COL20A1: variants seen among roughly 807,000 people sequenced by gnomAD.
The protein encoded by COL20A1 is collagen alpha-1(XX) chain.
A neutral mutation model predicts 152.9 loss-of-function variants in COL20A1; 164 were observed. That is an observed-to-expected ratio of 1.07 (90% CI 0.94 to 1.22). The LOEUF is 1.22. COL20A1 is among the 50% of genes most tolerant of loss of function. The pLI is 0.00. For synonymous variants in COL20A1, 864 were observed against 756.0 expected (o/e 1.14, Z -2.34); for missense variants, 1,873 against 1,744.8 (o/e 1.07, Z -1.31).
At chr20:63,312,671 A>G (rs2123405368) in intron 15 of COL20A1, 121 bp from the exon 16 acceptor site, 1 of 1,461,434 alleles carries the variant, frequency 6.8e-7, no homozygotes, top group South Asian at 1.3e-5. Flanking sequence ...CCAGGTGGGG[A>G]TGGGCACCCG....
At chr20:63,323,917 A>G (rs946914596) in intron 27 of COL20A1, among the ~76,000 whole-genome samples, 2 of 152,196 alleles carry the variant, frequency 1.3e-5, no homozygotes, top group African/African-American at 4.8e-5. Flanking sequence ...CTGGAACTGC[A>G]TTCGCTTTAT....
chr20:63,307,902 C>T (rs1021006567), intron 6 of COL20A1, 69 bp from the exon 7 acceptor site: 21 of 1,574,200 alleles, frequency 1.3e-5, no homozygotes, highest in Non-Finnish European at 1.7e-5. Context: ...TCAGGTGTGG[C>T]CTTGTGCCAA....
rs375732223 is a variant in COL20A1 at position 63,325,408 on chromosome 20, C to A, written c.3295-33C>A. ...CTGCCCTCCTGCCCTGTGCCCCCTC[C>A]GCTTCGCTGTCCAGCCCATCTTCCC... On this transcript the variant is annotated intron_variant, in intron 27 of 35. Coordinates refer to ENST00000358894, the MANE Select transcript of COL20A1 (RefSeq NM_020882.4). 13 of 1,555,468 alleles carry A rather than the reference C, an allele frequency of 8.4e-6. No homozygotes were observed. In the Admixed American group the frequency reaches 8.4e-5, roughly 10 times the overall value.
At chr20:63,296,253 C>G (rs1010670262) in intron 2 of COL20A1, among the ~76,000 whole-genome samples, 8 of 152,268 alleles carry the variant, frequency 5.3e-5, no homozygotes, top group Non-Finnish European at 1.0e-4. Context: ...CCAGTGGGGG[C>G]TGAGATTTCA....
Position 63,297,994 on chromosome 20 carries a change from A to G in COL20A1, c.167A>G (p.Tyr56Cys), listed in dbSNP as rs769517899. ...GAGTCGGAGGGGAGCGGCCTCGGCT[A>G]CCTGGTGCAGGTGAAGCCCATGGCA... ...WRESEGSGLGYLVQVKPMAGD... is the reference protein window; with the variant it reads ...WRESEGSGLGCLVQVKPMAGD... Residue 56 changes from tyrosine (Y) to cysteine (C), a missense_variant, in exon 3 of 36, where the codon TAC (tyrosine) becomes TGC (cysteine). Physicochemically the swap from Tyr to Cys is radical, Grantham distance 194. Coordinates refer to ENST00000358894, the MANE Select transcript of COL20A1 (RefSeq NM_020882.4). 1.2e-6 allele frequency: 2 copies of G among 1,612,308 alleles called. No homozygotes were observed. The highest frequency in any genetic ancestry group is 1.7e-6 in the Non-Finnish European group (2 of 1,179,684).
chr20:63,319,348 G>A lies in COL20A1; in HGVS notation c.2807-139G>A. ...GGGAGGCAGGTGTCCCGGGCAGGGG[G>A]CTGTGGGCCACATTGAGGGTCACCT... On this transcript the variant is annotated intron_variant, in intron 22 of 35. Transcript: ENST00000358894. This position sits in a 1 kb window ranked among gnomAD's most constrained non-coding sequence, Gnocchi z 4.4. The A allele has an allele frequency of 1.8e-6, 2 of 1,098,232 alleles. No homozygotes were observed. The allele number at this position is 1,098,232 out of a possible 1,614,324, so 68.0% of individuals were successfully genotyped here.
In COL20A1 at chr20:63,293,814, G is replaced by A. The variant is rs12625559; in HGVS notation, c.-11+539G>A. On this transcript the variant is annotated intron_variant, in intron 1 of 35. Transcript: ENST00000358894. ...GCCGGTGGCTTTCCCGCCGGGTGAGGCCTTTCCCTTGCAGAGGAGCAGATT... is the reference window on the plus strand; with the variant it reads ...GCCGGTGGCTTTCCCGCCGGGTGAGACCTTTCCCTTGCAGAGGAGCAGATT... Among the ~76,000 whole-genome samples the A allele has an allele frequency of 1.7e-4, 25 of 148,280 alleles. No homozygotes were observed. The East Asian group carries it at 5.0e-3, about 30-fold the overall frequency.
intron 3 of COL20A1, among the ~76,000 whole-genome samples, chr20:63,298,537 C>T (rs1009706375): frequency 2.0e-5 from 3 of 152,180 alleles, no homozygotes; most frequent in African/African-American, 7.2e-5. Flanking sequence ...ATCCGCCCCC[C>T]TCAGCCTCTC....
intron 21 of COL20A1, among the ~76,000 whole-genome samples, chr20:63,317,444 C>A (rs73155411): frequency 1.1e-3 from 161 of 143,110 alleles, no homozygotes; most frequent in Non-Finnish European, 6.3e-4. Flanking sequence ...AGCCTGGGCA[C>A]CAGAGCAATA....
intron 11 of COL20A1, among the ~76,000 whole-genome samples, chr20:63,310,738 A>G (rs573183503): frequency 7.6e-4 from 116 of 151,988 alleles, no homozygotes; most frequent in African/African-American, 2.8e-3. Context: ...CATCACCTCA[A>G]CTGTAATCAC....
Position 63,334,453 on chromosome 20 carries a change from C to T in COL20A1, c.*3737C>T, listed in dbSNP as rs1295642054. On this transcript the variant is annotated 3_prime_UTR_variant, in exon 36 of 36. Coordinates refer to ENST00000358894, the MANE Select transcript of COL20A1 (RefSeq NM_020882.4). ...TTTTTGAGACAAGGTCTTGCTCTGT[C>T]ACCCAGGCTGGAGTACAGTGGCATG... The T allele has an allele frequency of 1.3e-5, 2 of 152,248 alleles. No individual in the cohort carries two copies. Among genetic ancestry groups the T allele is most frequent in the Admixed American group, 6.5e-5 (1 of 15,284 alleles). 9.4% of individuals were successfully genotyped at this position (152,248 alleles called of 1,614,324 possible).
In COL20A1 at chr20:63,313,722, A is replaced by G. The variant is rs776987323; in HGVS notation, c.2210-21A>G. On this transcript the variant is annotated intron_variant, in intron 17 of 35. Coordinates refer to ENST00000358894, the MANE Select transcript of COL20A1 (RefSeq NM_020882.4). This position sits in a 1 kb window ranked among gnomAD's most constrained non-coding sequence, Gnocchi z 5.9. ...CTTTCTGGAGGGGCCTGAGCCCCAC[A>G]CAACCCATGCTCTCGGCCAGCCACG... The G allele has an allele frequency of 2.6e-6, 4 of 1,559,232 alleles. No individual in the cohort carries two copies. The highest frequency in any genetic ancestry group is 4.5e-5 in the East Asian group (2 of 44,358).
intron 31 of COL20A1, chr20:63,327,069 A>G: frequency 2.3e-6 from 1 of 434,122 alleles, no homozygotes. Context: ...TTGACCACCC[A>G]AGGACTTCCT....
Position 63,297,902 on chromosome 20 carries a change from T to G in COL20A1, c.83-8T>G. On this transcript the variant is annotated splice_region_variant and splice_polypyrimidine_tract_variant and intron_variant, in intron 2 of 35. Transcript: ENST00000358894. ...GTCAGTCCTGACCACTATGTCCTGT[T>G]TCTGTAGCAAGCGGTCTCCTGAGGC... is the stretch of plus-strand genomic sequence containing the variant. 1 of 1,611,590 alleles carries G rather than the reference T, an allele frequency of 6.2e-7. No individual in the cohort carries two copies. Among genetic ancestry groups the G allele is most frequent in the Non-Finnish European group, 8.5e-7 (1 of 1,178,334 alleles).
intron 33 of COL20A1, 35 bp from the exon 34 acceptor site, chr20:63,328,296 C>T (rs1568791100): frequency 6.3e-7 from 1 of 1,593,188 alleles, no homozygotes; most frequent in Admixed American, 1.7e-5. Context: ...CCCCGGGTCC[C>T]CACTGTGTCC....
intron 19 of COL20A1, among the ~76,000 whole-genome samples, chr20:63,314,992 C>T (rs2068066697): frequency 6.6e-6 from 1 of 150,602 alleles, no homozygotes; most frequent in South Asian, 2.1e-4. Context: ...AGCCTGCCCG[C>T]ACACCAGGCA....
chr20:63,308,082 C>A lies in COL20A1; in HGVS notation c.767C>A (p.Thr256Lys). Residue 256 changes from threonine to lysine, a missense_variant, in exon 7 of 36, where the codon ACG (threonine) becomes AAG (lysine). Coordinates refer to ENST00000358894, the MANE Select transcript of COL20A1 (RefSeq NM_020882.4). Reference protein sequence around the residue: ...VRRLRYKGGNTFTGLALTHVL... With the variant: ...VRRLRYKGGNKFTGLALTHVL... ...CGCCTCCGCTACAAGGGGGGGAACA[C>A]GTTCACAGGTACGGCCCAGGCCTGC... is the stretch of plus-strand genomic sequence containing the variant. 3 of 1,612,528 alleles carry A rather than the reference C, an allele frequency of 1.9e-6. No homozygotes were observed. The highest frequency in any genetic ancestry group is 1.7e-6 in the Non-Finnish European group (2 of 1,179,754).
At chr20:63,325,775 GA>G in intron 29 of COL20A1, 54 bp downstream of exon 29, 1 of 1,524,522 alleles carries the variant, frequency 6.6e-7, no homozygotes, top group Non-Finnish European at 9.1e-7. Context: ...CTGGCCTGGG[GA>G]CGGGGGGCCT....
Position 63,311,651 on chromosome 20 carries a change from G to T in COL20A1, c.1566G>T (p.Leu522=). ...TGCAGGTCGGGCGGCCCGAGGTGCT[G>T]CTGGATGGCCTGGAACCTGGCAGGG... is the stretch of plus-strand genomic sequence containing the variant. ...REVQVGRPEV[L]LDGLEPGRDY... is the part of the protein sequence containing the mutation. The change falls in exon 13 of 36, where the codon CTG becomes CTT. Residue 522 remains leucine (L), a synonymous_variant. Transcript: ENST00000358894. The surrounding 1 kb of genome is among the most constrained non-coding windows in gnomAD (Gnocchi z 4.4). The T allele has an allele frequency of 6.2e-7, 1 of 1,609,770 alleles. No homozygotes were observed. Among genetic ancestry groups the T allele is most frequent in the Non-Finnish European group, 8.5e-7 (1 of 1,179,584 alleles).
Sources: allele counts gnomAD v4.1 joint callset (sites outside exome capture counted in the v4.1 genomes callset), GRCh38; gene constraint gnomAD v4.1.1; non-coding constraint Gnocchi (gnomAD v3.1); transcripts MANE v1.5; gene names NCBI Gene and HGNC (gene_info 2026-07-23, HGNC 2026-07-21).